The following CTNNA3 variants were observed in gnomAD, a reference collection of about 807,000 sequenced individuals.
The protein encoded by CTNNA3 is catenin alpha 3.
Under a neutral mutation model 95.7 loss-of-function variants are expected in CTNNA3, and 76 were observed. The observed-to-expected ratio is 0.79, with a 90% CI of 0.66 to 0.96. The LOEUF (loss-of-function observed/expected upper bound fraction) is 0.96, where lower values mean the gene tolerates loss of function less well. Among genes scored for constraint, CTNNA3 ranks in the 40% least tolerant of loss-of-function variants. The probability of loss-of-function intolerance (pLI) is 0.00; values close to 1 mark genes in which losing one functional copy is unlikely to be tolerated. For missense variants in CTNNA3, 1,191 were observed against 1,089.8 expected (o/e 1.09, Z -1.31); for synonymous variants, 431 against 374.4 (o/e 1.15, Z -1.74).
intron 11 of CTNNA3, among the ~76,000 whole-genome samples, chr10:66,431,856 C>T (rs938934322): frequency 6.6e-6 from 1 of 151,656 alleles, no homozygotes; most frequent in African/African-American, 2.4e-5. Context: ...ATGTAACAAA[C>T]CTGCACGTTG....
intron 5 of CTNNA3, among the ~76,000 whole-genome samples, chr10:67,304,068 C>T (rs1481192448): frequency 6.6e-6 from 1 of 152,186 alleles, no homozygotes; most frequent in Non-Finnish European, 1.5e-5. Flanking sequence ...TAGTTCTATA[C>T]TACACTTTAA....
chr10:66,203,381 T>C (rs1417655455), intron 13 of CTNNA3, among the ~76,000 whole-genome samples: 1 of 152,170 alleles, frequency 6.6e-6, no homozygotes, highest in Non-Finnish European at 1.5e-5. Context: ...CAAAGTATAT[T>C]ACAAAATATA....
chr10:66,172,044 C>T (rs1375263125), intron 13 of CTNNA3, among the ~76,000 whole-genome samples: 2 of 152,098 alleles, frequency 1.3e-5, no homozygotes, highest in Non-Finnish European at 2.9e-5. Flanking sequence ...ATAAAATACA[C>T]TGGCGTTGTT....
At chr10:67,119,628 T>C (rs1009543756) in intron 7 of CTNNA3, among the ~76,000 whole-genome samples, 1 of 151,960 alleles carries the variant, frequency 6.6e-6, no homozygotes, top group African/African-American at 2.4e-5. Flanking sequence ...TCTTTCTAAA[T>C]CTTTTAGTAT....
chr10:66,762,752 G>A (rs761497382), intron 9 of CTNNA3, among the ~76,000 whole-genome samples: 15 of 151,752 alleles, frequency 9.9e-5, no homozygotes, highest in Non-Finnish European at 1.9e-4. Context: ...TTTGTGTTTA[G>A]TCCTACTTTT....
chr10:67,467,853 G>A (rs1054608069), intron 5 of CTNNA3, among the ~76,000 whole-genome samples: 1 of 151,838 alleles, frequency 6.6e-6, no homozygotes, highest in Non-Finnish European at 1.5e-5. Flanking sequence ...TGAGACTACA[G>A]GTGTGCCCCA....
intron 9 of CTNNA3, among the ~76,000 whole-genome samples, chr10:66,658,470 A>G (rs1240870481): frequency 1.3e-5 from 2 of 152,124 alleles, no homozygotes; most frequent in Non-Finnish European, 2.9e-5. Context: ...TTCCTGAACA[A>G]CTCAGTGGGG....
At chr10:66,218,773 A>G (rs1446380456) in intron 13 of CTNNA3, among the ~76,000 whole-genome samples, 1 of 152,228 alleles carries the variant, frequency 6.6e-6, no homozygotes, top group Non-Finnish European at 1.5e-5. Context: ...CACCTAATGA[A>G]TGGAGCTGAA....
At chr10:66,077,376 C>T (rs1319396777) in intron 14 of CTNNA3, among the ~76,000 whole-genome samples, 1 of 151,718 alleles carries the variant, frequency 6.6e-6, no homozygotes, top group Admixed American at 6.6e-5. Context: ...AGAGATCTTA[C>T]AGGATATATA....
chr10:66,440,963 C>A (rs563440195), intron 11 of CTNNA3, among the ~76,000 whole-genome samples: 1 of 132,950 alleles, frequency 7.5e-6, no homozygotes, highest in Non-Finnish European at 1.6e-5. Flanking sequence ...CCATTTTTCT[C>A]ATTTATTAAT....
intron 13 of CTNNA3, among the ~76,000 whole-genome samples, chr10:66,178,197 A>C (rs2085821613): frequency 6.6e-6 from 1 of 151,392 alleles, no homozygotes; most frequent in South Asian, 2.1e-4. Flanking sequence ...GTAAAATAAA[A>C]ACAAATTTGC....
chr10:66,621,758 T>C lies in CTNNA3; in HGVS notation c.1308A>G (p.Ser436=). 1 of 1,610,860 alleles carries C rather than the reference T, an allele frequency of 6.2e-7. No individual in the cohort carries two copies. The highest frequency in any genetic ancestry group is 8.5e-7 in the Non-Finnish European group (1 of 1,178,628). The change falls in exon 10 of 18, where the codon TCA becomes TCG. Residue 436 remains serine, a synonymous_variant. Coordinates refer to ENST00000433211, the MANE Select transcript of CTNNA3 (RefSeq NM_013266.4). ...VEVANLACSM[S]TNEDGIKIVK... ...CAATTTTAATTCCATCTTCATTTGT[T>C]GACATGGAACAAGCAAGATTTGCCA...
chr10:66,483,776 C>T (rs1839626197), intron 11 of CTNNA3, among the ~76,000 whole-genome samples: 1 of 152,112 alleles, frequency 6.6e-6, no homozygotes, highest in Non-Finnish European at 1.5e-5. Flanking sequence ...TGGCAATTCT[C>T]ATCCCCACTC....
chr10:66,912,695 A>AT, intron 7 of CTNNA3, among the ~76,000 whole-genome samples: 1 of 152,076 alleles, frequency 6.6e-6, no homozygotes, highest in East Asian at 1.9e-4. Flanking sequence ...TTTTCCTAGC[A>AT]TTTTTGGAGG....
chr10:67,613,809 G>A (rs923777565), intron 2 of CTNNA3, among the ~76,000 whole-genome samples: 3 of 151,486 alleles, frequency 2.0e-5, no homozygotes, highest in Non-Finnish European at 4.4e-5. Context: ...AACCTTTTTG[G>A]TACCAGAGAC....
In CTNNA3 at chr10:66,382,790, A is replaced by G. The variant is rs867404960; in HGVS notation, c.1532-3438T>C. 9.9e-5 allele frequency among the ~76,000 whole-genome samples: 15 copies of G among 152,284 alleles called. No individual in the cohort carries two copies. The South Asian group carries it at 3.1e-3, about 32-fold the overall frequency. ...TCTGCAGCCTCTGCTGGTGATACCCAGGCAAACAGGGTCTGTAGTAGAACT... is the reference window on the plus strand; with the variant it reads ...TCTGCAGCCTCTGCTGGTGATACCCGGGCAAACAGGGTCTGTAGTAGAACT... On this transcript the variant is annotated intron_variant, in intron 11 of 17. Coordinates refer to ENST00000433211, the MANE Select transcript of CTNNA3 (RefSeq NM_013266.4).
chr10:66,815,189 A>C (rs2132274567), intron 7 of CTNNA3, among the ~76,000 whole-genome samples: 1 of 152,292 alleles, frequency 6.6e-6, no homozygotes, highest in Non-Finnish European at 1.5e-5. Context: ...GTCATAATTA[A>C]CTTTTTCAAA....
At chr10:67,524,022 ACTT>A (rs1160163110) in intron 4 of CTNNA3, among the ~76,000 whole-genome samples, 1 of 152,180 alleles carries the variant, frequency 6.6e-6, no homozygotes. Context: ...TATTAGCTCT[ACTT>A]CTTAAAATAT....
intron 5 of CTNNA3, among the ~76,000 whole-genome samples, chr10:67,324,125 G>T (rs1384586053): frequency 6.6e-5 from 10 of 152,088 alleles, no homozygotes; most frequent in Non-Finnish European, 1.5e-4. Context: ...AAGCTTTTGG[G>T]CTGAGATGAT....
Sources: allele counts gnomAD v4.1 joint callset (sites outside exome capture counted in the v4.1 genomes callset), GRCh38; gene constraint gnomAD v4.1.1; transcripts MANE v1.5; gene names NCBI Gene and HGNC (gene_info 2026-07-23, HGNC 2026-07-21).